The following C5 variants were observed in gnomAD, a reference collection of about 807,000 sequenced individuals.
The protein encoded by C5 is C3 and PZP-like alpha-2-macroglobulin domain-containing protein 4.
A neutral mutation model predicts 218.8 loss-of-function variants in C5; 140 were observed. The ratio of observed to expected loss-of-function variants is 0.64; its 90% CI spans 0.56 to 0.74. The LOEUF is 0.74. C5 is among the 30% of genes least tolerant of loss of function. The probability of loss-of-function intolerance (pLI) is 0.00; values close to 1 mark genes in which losing one functional copy is unlikely to be tolerated. For synonymous variants in C5, 614 were observed against 682.3 expected (o/e 0.90, Z 1.56); for missense variants, 1,700 against 1,969.6 (o/e 0.86, Z 2.59).
At position 121,020,021 on chromosome 9, in the gene C5, G is replaced by A. The variant is rs2230214; in HGVS notation, c.1461C>T (p.Thr487=). The change falls in exon 12 of 41, where the codon ACC becomes ACT. Residue 487 remains threonine, a synonymous_variant. Coordinates refer to ENST00000223642, the MANE Select transcript of C5 (RefSeq NM_001735.3). The part of the protein sequence containing the change: ...LVGEHLNIIV[T]PKSPYIDKIT... ...TTTTGTCAATATATGGGCTTTTGGG[G>A]GTAACAATAATATTCAGATGTTCTC... The A allele has an allele frequency of 0.1, 163,154 of 1,607,578 alleles. 9,074 individuals carry two copies. The highest frequency in any genetic ancestry group is 0.14 in the African/African-American group (10,479 of 74,444).
chr9:121,034,677 C>A (rs573073413), intron 5 of C5, 126 bp downstream of exon 5: 3 of 629,940 alleles, frequency 4.8e-6, no homozygotes, highest in East Asian at 5.6e-5. Flanking sequence ...GCTAGAACTT[C>A]AAAAGATTTT....
At chr9:120,969,962 T>A (rs1353177712) in intron 32 of C5, among the ~76,000 whole-genome samples, 1 of 152,248 alleles carries the variant, frequency 6.6e-6, no homozygotes, top group Non-Finnish European at 1.5e-5. Context: ...TTAGTCATTG[T>A]TATTTAATAT....
chr9:121,013,085 C>T (rs1370927327), intron 17 of C5, among the ~76,000 whole-genome samples: 6 of 151,966 alleles, frequency 3.9e-5, no homozygotes, highest in African/African-American at 9.7e-5. Flanking sequence ...TTTGGGAGGC[C>T]GAGGTGGACG....
intron 33 of C5, among the ~76,000 whole-genome samples, chr9:120,968,592 C>T (rs1478058733): frequency 5.3e-5 from 8 of 152,338 alleles, no homozygotes; most frequent in South Asian, 2.1e-4. Flanking sequence ...TGGTTCTCAA[C>T]CCTGGCTACC....
chr9:121,041,889 T>C (rs1467159796), intron 3 of C5, among the ~76,000 whole-genome samples: 5 of 152,222 alleles, frequency 3.3e-5, no homozygotes, highest in Admixed American at 6.5e-5. Flanking sequence ...GCCAAGTAGA[T>C]AGCAATATCT....
Position 120,957,980 on chromosome 9 carries a change from C to A in C5, c.4679-612G>T, listed in dbSNP as rs41313617. The stretch of plus-strand genomic sequence containing the variant: ...GTGCTTGACCTCAGGTCTGGAAAGA[C>A]CAGCTTGAAGGGACCCATTCTTTCT... On this transcript the variant is annotated intron_variant, in intron 38 of 40. Transcript: ENST00000223642. Among the ~76,000 whole-genome samples, 1,202 of 152,292 alleles carry A rather than the reference C, an allele frequency of 7.9e-3. 16 individuals are homozygous for A. Among genetic ancestry groups the A allele is most frequent in the East Asian group, 0.024 (124 of 5,188 alleles).
At chr9:121,015,402 G>A in intron 15 of C5, 141 bp from the exon 16 acceptor site, 1 of 642,214 alleles carries the variant, frequency 1.6e-6, no homozygotes, top group Non-Finnish European at 2.8e-6. Flanking sequence ...TTTGGATTAG[G>A]AACTGTGCAC....
At position 121,017,819 on chromosome 9, in the gene C5, T is replaced by G. The variant is rs1166577992; in HGVS notation, c.1540A>C (p.Thr514Pro). Residue 514 changes from threonine to proline, a missense_variant, in exon 13 of 41, where the codon ACG (threonine) becomes CCG (proline). Transcript: ENST00000223642. The stretch of plus-strand genomic sequence containing the variant: ...GATGCATCTGAAAATTTCTCCCTCG[T>G]GCCAAAGTGGATAATTTTGCCCTTG... Reference protein sequence around the residue: ...LSKGKIIHFGTREKFSDASYQ... With the variant: ...LSKGKIIHFGPREKFSDASYQ... 6 of 1,613,626 alleles carry G rather than the reference T, an allele frequency of 3.7e-6. No homozygotes were observed. Among genetic ancestry groups the G allele is most frequent in the Non-Finnish European group, 5.1e-6 (6 of 1,179,662 alleles).
At position 120,952,656 on chromosome 9, in the gene C5, T is replaced by A. The variant is rs973452098; in HGVS notation, c.*83A>T. ...ACAAATAAGACCAGCTATGAATGTT[T>A]AAAAAAAGAAGAAAACAAAAAAACG... On this transcript the variant is annotated 3_prime_UTR_variant, in exon 41 of 41. Transcript: ENST00000223642. 2.8e-6 allele frequency: 4 copies of A among 1,436,228 alleles called. No homozygotes were observed. In the African/African-American group the frequency reaches 5.6e-5, roughly 20 times the overall value. The allele number at this position is 1,436,228 out of a possible 1,614,324, so 89.0% of individuals were successfully genotyped here. A position where few individuals can be genotyped will look rare whatever the true frequency, so the allele number is the denominator to read the frequency against.
the C5 span, among the ~76,000 whole-genome samples, chr9:121,060,910 G>A: frequency 2.6e-5 from 4 of 152,230 alleles, no homozygotes; most frequent in East Asian, 1.9e-4. Flanking sequence ...GAATCAGGTC[G>A]GGCGAAGTGG....
chr9:121,021,656 T>C lies in C5; in HGVS notation c.1155A>G (p.Gly385=), dbSNP rs10985126. ...TTTGTGCATTCAGTGTTACTGGGACTCCTCCTACCAACTGGTCAAGCGAAT... is the reference window on the plus strand; with the variant it reads ...TTTGTGCATTCAGTGTTACTGGGACCCCTCCTACCAACTGGTCAAGCGAAT... ...VKDSLDQLVG[G]VPVTLNAQTI... The change falls in exon 11 of 41, where the codon GGA becomes GGG. Residue 385 remains glycine (G), a synonymous_variant. Transcript: ENST00000223642. 298,451 of 1,612,844 alleles carry C rather than the reference T, an allele frequency of 0.19. 30,734 individuals carry two copies. The highest frequency in any genetic ancestry group is 0.39 in the African/African-American group (29,537 of 74,904).
chr9:120,988,268 T>C (rs1333534433), intron 25 of C5, among the ~76,000 whole-genome samples: 1 of 152,238 alleles, frequency 6.6e-6, no homozygotes, highest in Non-Finnish European at 1.5e-5. Flanking sequence ...ATGGAGCTTA[T>C]ATTCCAGTGG....
rs372929361 is a variant in C5 at position 120,957,271 on chromosome 9, G to A, written c.4762+14C>T. 249 of 1,572,768 alleles carry A rather than the reference G, an allele frequency of 1.6e-4. No individual in the cohort carries two copies. In the African/African-American group the frequency reaches 3.0e-3, roughly 19 times the overall value. ...TTGCTGAATGAAGGAACGAATGAAC[G>A]AATGAATTCTCACCAGTTTTGTAGA... is the stretch of plus-strand genomic sequence containing the variant. On this transcript the variant is annotated intron_variant, in intron 39 of 40. Coordinates refer to ENST00000223642, the MANE Select transcript of C5 (RefSeq NM_001735.3).
intron 30 of C5, 84 bp from the exon 31 acceptor site, chr9:120,972,076 C>T (rs2046919143): frequency 9.5e-7 from 1 of 1,056,672 alleles, no homozygotes; most frequent in African/African-American, 1.6e-5. Flanking sequence ...AGTGGGTTGA[C>T]ATGTACCAGC....
the C5 span, among the ~76,000 whole-genome samples, chr9:121,064,203 A>C: frequency 1.3e-5 from 2 of 151,546 alleles, no homozygotes; most frequent in Non-Finnish European, 2.9e-5. Flanking sequence ...ATAATTGAGT[A>C]TGATTTTATG....
intron 11 of C5, 131 bp downstream of exon 11, chr9:121,021,378 G>T: frequency 1.4e-6 from 1 of 730,550 alleles, no homozygotes; most frequent in Non-Finnish European, 2.5e-6. Context: ...AATTTGTCTT[G>T]GATGCAAAAT....
At chr9:120,987,861 C>T (rs752280981) in intron 25 of C5, among the ~76,000 whole-genome samples, 1 of 151,834 alleles carries the variant, frequency 6.6e-6, no homozygotes, top group Non-Finnish European at 1.5e-5. Flanking sequence ...AGCGCGATCT[C>T]GGCTCACTGT....
chr9:120,960,087 CTT>C (rs1487778195), intron 38 of C5, among the ~76,000 whole-genome samples, 159 bp downstream of exon 38: 1 of 150,686 alleles, frequency 6.6e-6, no homozygotes, highest in Non-Finnish European at 1.5e-5. Flanking sequence ...GGAATAAAAA[CTT>C]TGCATGTTAA....
chr9:121,008,153 G>A (rs1564149110), intron 18 of C5, among the ~76,000 whole-genome samples: 2 of 152,092 alleles, frequency 1.3e-5, no homozygotes, highest in South Asian at 2.1e-4. Context: ...TGTAGTAAAT[G>A]CATAATGAAG....
Sources: gnomAD v4.1 joint callset for allele counts (sites outside exome capture counted in the v4.1 genomes callset) on GRCh38, gnomAD v4.1.1 for gene constraint, MANE v1.5 for transcripts, NCBI Gene and HGNC (gene_info 2026-07-23, HGNC 2026-07-21) for gene names.